The following SEMA6D variants were observed in gnomAD, a reference collection of about 807,000 sequenced individuals.
The protein encoded by SEMA6D is semaphorin-6D.
In SEMA6D, 35 loss-of-function variants were observed where a neutral mutation model predicts 106.6. The observed-to-expected ratio is 0.33, with a 90% CI of 0.25 to 0.44. The LOEUF is 0.44. Ranked by LOEUF, SEMA6D falls within the 20% of genes least tolerant of loss-of-function variation. The pLI, the probability that SEMA6D is intolerant of heterozygous loss-of-function variation, is 1.00. For missense variants in SEMA6D, 1,185 were observed against 1,345.9 expected, an observed-to-expected ratio of 0.88 and a Z score of 1.87; for synonymous variants, 499 against 487.7, an observed-to-expected ratio of 1.02 and a Z score of -0.31.
chr15:47,764,190 G>C lies in SEMA6D; in HGVS notation c.982G>C (p.Val328Leu), dbSNP rs1454955499. 1.2e-6 allele frequency: 2 copies of C among 1,613,700 alleles called. No homozygotes were observed. Among genetic ancestry groups the C allele is most frequent in the South Asian group, 1.1e-5 (1 of 91,032 alleles). ...CCTTTTCAGCATCCCTGGTTCTGCT[G>C]TCTGTGCATTTAGCATGGATGACAT... is the stretch of plus-strand genomic sequence containing the variant. ...TQLNSIPGSA[V>L]CAFSMDDIEK... is the part of the protein sequence containing the mutation. The change falls in exon 11 of 19, where the codon GTC (valine) becomes CTC (leucine). Residue 328 changes from valine (V) to leucine (L), a missense_variant. Val to Leu is a conservative substitution (Grantham distance 32). Around this residue, in one of 3 missense-constraint regions of SEMA6D, gnomAD observed 291 missense variants for 423.8 expected, o/e 0.69. Transcript: ENST00000536845.
At chr15:47,503,148 A>G (rs1291452120) in intron 3 of SEMA6D, among the ~76,000 whole-genome samples, 1 of 152,240 alleles carries the variant, frequency 6.6e-6, no homozygotes, top group African/African-American at 2.4e-5. Flanking sequence ...TGTCCTAGGG[A>G]AACTTGACCT....
At chr15:47,312,464 A>G (rs1033251679) in intron 1 of SEMA6D, among the ~76,000 whole-genome samples, 2 of 152,146 alleles carry the variant, frequency 1.3e-5, no homozygotes, top group African/African-American at 4.8e-5. Flanking sequence ...TCAAAATGAT[A>G]ATTAGTCATG....
intron 1 of SEMA6D, 107 bp from the exon 2 acceptor site, chr15:47,759,638 G>A: frequency 3.3e-6 from 2 of 612,042 alleles, no homozygotes; most frequent in South Asian, 2.0e-5. Flanking sequence ...ATTCCTGGTG[G>A]GAGAGGGGCT....
chr15:47,320,920 A>C (rs2036898729), intron 1 of SEMA6D, among the ~76,000 whole-genome samples: 3 of 152,080 alleles, frequency 2.0e-5, no homozygotes, highest in African/African-American at 7.2e-5. Context: ...TATTTCTATC[A>C]TCAAGCACTG....
At chr15:47,611,016 A>G (rs981128549) in intron 4 of SEMA6D, among the ~76,000 whole-genome samples, 10 of 152,240 alleles carry the variant, frequency 6.6e-5, no homozygotes, top group African/African-American at 2.4e-4. Flanking sequence ...CTGAGGCTTT[A>G]TCGTCATTCC....
chr15:47,609,980 C>T (rs553437318), intron 4 of SEMA6D, among the ~76,000 whole-genome samples: 4 of 152,166 alleles, frequency 2.6e-5, no homozygotes, highest in African/African-American at 4.8e-5. Context: ...TCTTCCTGCT[C>T]GATCCAGCCT....
chr15:47,557,005 C>T (rs1022405402), intron 3 of SEMA6D, among the ~76,000 whole-genome samples: 1 of 152,114 alleles, frequency 6.6e-6, no homozygotes, highest in Non-Finnish European at 1.5e-5. Context: ...CTACCTTAAA[C>T]GACTTCTCAT....
chr15:47,581,483 G>A, intron 3 of SEMA6D: 1 of 401,578 alleles, frequency 2.5e-6, no homozygotes, highest in Non-Finnish European at 4.8e-6. Context: ...AGATGGCGTA[G>A]CCAAGGAGGC....
intron 1 of SEMA6D, among the ~76,000 whole-genome samples, chr15:47,249,384 T>A (rs1029214777): frequency 6.6e-6 from 1 of 152,136 alleles, no homozygotes; most frequent in Non-Finnish European, 1.5e-5. Flanking sequence ...TCTGCAGGGC[T>A]CCGTGTTAGG....
intron 3 of SEMA6D, among the ~76,000 whole-genome samples, chr15:47,533,022 C>T (rs1251720666): frequency 6.6e-6 from 1 of 152,082 alleles, no homozygotes; most frequent in East Asian, 1.9e-4. Flanking sequence ...TCTTCCATGG[C>T]ACATTCACAA....
In SEMA6D at chr15:47,486,507, C is replaced by A. The variant is rs1327931233; in HGVS notation, c.-87+15962C>A. 2.0e-5 allele frequency among the ~76,000 whole-genome samples: 3 copies of A among 152,328 alleles called. No individual in the cohort carries two copies. In the South Asian group the frequency reaches 6.2e-4, roughly 32 times the overall value. ...ATCTGTGCCAACTCTGAAACACCCTCTCACCCATTTTCATTATGAGCTCAA... is the reference window on the plus strand; with the variant it reads ...ATCTGTGCCAACTCTGAAACACCCTATCACCCATTTTCATTATGAGCTCAA... On this transcript the variant is annotated intron_variant, in intron 3 of 19. Transcript: ENST00000558014.
At chr15:47,499,181 G>T (rs2043765119) in intron 3 of SEMA6D, among the ~76,000 whole-genome samples, 1 of 152,106 alleles carries the variant, frequency 6.6e-6, no homozygotes, top group Admixed American at 6.6e-5. Flanking sequence ...CTTGTTAAAG[G>T]TTGCACATCT....
At chr15:47,250,440 G>GAAGAAAGAAAGA (rs549519554) in intron 1 of SEMA6D, among the ~76,000 whole-genome samples, 3 of 151,670 alleles carry the variant, frequency 2.0e-5, no homozygotes, top group African/African-American at 7.3e-5. Flanking sequence ...AGCAAATCCT[G>GAAGAAAGAAAGA]AAGAAAGAAA....
chr15:47,495,585 A>G (rs1379379211), intron 3 of SEMA6D, among the ~76,000 whole-genome samples: 3 of 151,984 alleles, frequency 2.0e-5, no homozygotes, highest in Non-Finnish European at 2.9e-5. Flanking sequence ...AAAGAGAAGG[A>G]ACATTCTAAA....
intron 1 of SEMA6D, chr15:47,718,725 T>C (rs2079237859): frequency 6.6e-6 from 1 of 152,238 alleles, no homozygotes. Context: ...TGTGTTACGT[T>C]CTCATCTCCC....
At chr15:47,586,892 T>TTTG (rs1294956778) in intron 3 of SEMA6D, among the ~76,000 whole-genome samples, 1 of 150,352 alleles carries the variant, frequency 6.7e-6, no homozygotes, top group Middle Eastern at 3.2e-3. Flanking sequence ...TGACAGGTTT[T>TTTG]TTTTTTTTTT....
rs189143585 is a variant in SEMA6D at position 47,204,540 on chromosome 15, T to C, written c.-239+20122T>C. Among the ~76,000 whole-genome samples, 160 of 152,232 alleles carry C rather than the reference T, an allele frequency of 1.1e-3. 1 individual carries two copies. Among genetic ancestry groups the C allele is most frequent in the African/African-American group, 3.8e-3 (156 of 41,550 alleles). On this transcript the variant is annotated intron_variant, in intron 1 of 19. Coordinates refer to the SEMA6D transcript ENST00000558014. ...TTGAGGTCTGGATTGAATTGACAGA[T>C]TTGACTACTTATTTATAGGTTTTGG...
At chr15:47,205,998 C>T (rs1418705145) in intron 1 of SEMA6D, among the ~76,000 whole-genome samples, 1 of 152,134 alleles carries the variant, frequency 6.6e-6, no homozygotes, top group Non-Finnish European at 1.5e-5. Context: ...ATAATGTAGA[C>T]ACAACTGTAC....
chr15:47,254,074 G>T (rs1301243811), intron 1 of SEMA6D, among the ~76,000 whole-genome samples: 2 of 150,592 alleles, frequency 1.3e-5, no homozygotes, highest in East Asian at 1.9e-4. Flanking sequence ...TCACCTCCGT[G>T]GTTAAATTTA....
Sources: allele counts gnomAD v4.1 joint callset (sites outside exome capture counted in the v4.1 genomes callset), GRCh38; gene constraint gnomAD v4.1.1; regional missense constraint gnomAD v4.1.1; transcripts MANE v1.5; gene names NCBI Gene and HGNC (gene_info 2026-07-23, HGNC 2026-07-21).